UBQLN4: variants seen among roughly 807,000 people sequenced by gnomAD.
The protein encoded by UBQLN4 is ubiquilin 4.
Under a neutral mutation model 60.4 loss-of-function variants are expected in UBQLN4, and 11 were observed. The ratio of observed to expected loss-of-function variants is 0.18; its 90% CI spans 0.11 to 0.30. The LOEUF (loss-of-function observed/expected upper bound fraction) is 0.30. Ranked by LOEUF, UBQLN4 falls within the 10% of genes least tolerant of loss-of-function variation. UBQLN4 has a pLI of 1.00. For synonymous variants in UBQLN4, 258 were observed against 313.1 expected, an observed-to-expected ratio of 0.82 and a Z score of 1.86; for missense variants, 417 against 795.5, an observed-to-expected ratio of 0.52 and a Z score of 5.72.
downstream of UBQLN4, among the ~76,000 whole-genome samples, chr1:156,031,413 C>T (rs148292742): frequency 3.9e-5 from 6 of 152,152 alleles, no homozygotes; most frequent in African/African-American, 9.6e-5. Flanking sequence ...CTCCCAAGAC[C>T]GCATAAGTAG....
At chr1:156,032,187 G>A (rs1683308723), downstream of UBQLN4, among the ~76,000 whole-genome samples, 1 of 151,710 alleles carries the variant, frequency 6.6e-6, no homozygotes, top group African/African-American at 2.4e-5. Context: ...ATTTTTAGTA[G>A]AGATGGGGGT....
chr1:156,037,764 A>G (rs762683813), intron 10 of UBQLN4, among the ~76,000 whole-genome samples: 2 of 152,218 alleles, frequency 1.3e-5, no homozygotes, highest in South Asian at 2.1e-4. Flanking sequence ...CAAATGTTCT[A>G]TGGTCAAATA....
At chr1:156,032,367 C>A (rs1356940173), downstream of UBQLN4, among the ~76,000 whole-genome samples, 1 of 148,288 alleles carries the variant, frequency 6.7e-6, no homozygotes, top group Non-Finnish European at 1.5e-5. Context: ...AGCATTTGGC[C>A]GGGCGCGATG....
chr1:156,033,120 C>CA (rs1317311548), downstream of UBQLN4: 2 of 801,880 alleles, frequency 2.5e-6, no homozygotes, highest in Non-Finnish European at 3.0e-6. Flanking sequence ...ATGTTTTTGC[C>CA]AATACTTATG....
At position 156,037,018 on chromosome 1, in the gene UBQLN4, T is replaced by C; in HGVS notation, c.1766A>G (p.Asn589Ser). ...QALIATGGDI[N>S]AAIERLLGSQ... ...GCCCAGCAGTCTCTCGATAGCTGCG[T>C]TGATGTCCCCTCCTGTGGCAATCAG... Residue 589 changes from asparagine to serine, a missense_variant, in exon 11 of 11, where the codon AAC (asparagine) becomes AGC (serine). By Grantham distance (46) the Asn-to-Ser change is conservative. Transcript: ENST00000368309. 1 of 1,614,148 alleles carries C rather than the reference T, an allele frequency of 6.2e-7. No homozygotes were observed. Among genetic ancestry groups the C allele is most frequent in the South Asian group, 1.1e-5 (1 of 91,084 alleles).
intron 2 of UBQLN4, 62 bp downstream of exon 2, chr1:156,051,644 T>G: frequency 2.4e-5 from 38 of 1,604,822 alleles, no homozygotes; most frequent in Non-Finnish European, 2.9e-5. Flanking sequence ...AAGCAATGAG[T>G]GAGAAAGTAT....
intron 5 of UBQLN4, 124 bp from the exon 6 acceptor site, chr1:156,044,347 T>TA (rs1683645030): frequency 1.2e-6 from 1 of 865,746 alleles, no homozygotes; most frequent in Non-Finnish European, 1.8e-6. Context: ...TCTAAGACCT[T>TA]AGAGGTCCTC....
intron 10 of UBQLN4, among the ~76,000 whole-genome samples, chr1:156,040,441 ATTTTTTTTTT>A (rs112995184): frequency 9.2e-6 from 1 of 109,030 alleles, no homozygotes. Context: ...CAGTCCACAC[ATTTTTTTTTT>A]TTTTTTTTTT....
downstream of UBQLN4, among the ~76,000 whole-genome samples, chr1:156,033,781 T>C (rs1398608255): frequency 6.6e-6 from 1 of 150,748 alleles, no homozygotes; most frequent in East Asian, 1.9e-4. Flanking sequence ...AATGGGGAGG[T>C]TGCAGTGAGC....
chr1:156,035,236 C>T, downstream of UBQLN4: 1 of 983,136 alleles, frequency 1.0e-6, no homozygotes, highest in Non-Finnish European at 1.2e-6. Context: ...CAACTCTTGC[C>T]CTGGAAAACC....
At chr1:156,037,319 G>A (rs896265153) in intron 10 of UBQLN4, among the ~76,000 whole-genome samples, 189 bp from the exon 11 acceptor site, 1 of 152,192 alleles carries the variant, frequency 6.6e-6, no homozygotes, top group Non-Finnish European at 1.5e-5. Flanking sequence ...GTAATGGCCG[G>A]GTACGGTGGC....
chr1:156,043,110 T>G (rs1390715853), intron 6 of UBQLN4, among the ~76,000 whole-genome samples, 197 bp from the exon 7 acceptor site: 2 of 152,230 alleles, frequency 1.3e-5, no homozygotes, highest in Admixed American at 6.5e-5. Flanking sequence ...TGCTTTGGCC[T>G]GGCCCCTTTT....
chr1:156,032,513 GAA>G (rs201947466), downstream of UBQLN4, among the ~76,000 whole-genome samples: 192 of 118,978 alleles, frequency 1.6e-3, 1 homozygote, highest in African/African-American at 2.3e-3. Context: ...CTCCGTCTCA[GAA>G]AAAAAAAAAA....
intron 10 of UBQLN4, among the ~76,000 whole-genome samples, chr1:156,038,206 T>C (rs938063600): frequency 4.1e-5 from 6 of 147,658 alleles, no homozygotes; most frequent in South Asian, 2.2e-4. Context: ...CGAAACCCCA[T>C]GTCTACTAAA....
At chr1:156,038,593 G>T (rs867892595) in intron 10 of UBQLN4, among the ~76,000 whole-genome samples, 44 of 151,972 alleles carry the variant, frequency 2.9e-4, no homozygotes, top group African/African-American at 1.0e-3. Context: ...GGAGGCGGAG[G>T]TTGCAGTGAG....
intron 10 of UBQLN4, among the ~76,000 whole-genome samples, chr1:156,040,118 G>A (rs893941907): frequency 6.6e-6 from 1 of 151,850 alleles, no homozygotes; most frequent in Non-Finnish European, 1.5e-5. Context: ...TTCTGGACGG[G>A]TGTGGTGGCT....
intron 4 of UBQLN4, among the ~76,000 whole-genome samples, chr1:156,049,643 G>T (rs1683811527): frequency 1.3e-5 from 2 of 152,186 alleles, no homozygotes; most frequent in African/African-American, 4.8e-5. Flanking sequence ...CACGCACCAG[G>T]CACTGTTCTA....
chr1:156,047,664 G>A (rs1295392000), intron 5 of UBQLN4, among the ~76,000 whole-genome samples: 2 of 151,384 alleles, frequency 1.3e-5, no homozygotes, highest in Non-Finnish European at 2.9e-5. Context: ...TGGAGGCCAA[G>A]GTGGGCGGAT....
chr1:156,034,506 C>A (rs1223853014), downstream of UBQLN4, among the ~76,000 whole-genome samples: 1 of 151,406 alleles, frequency 6.6e-6, no homozygotes, highest in Non-Finnish European at 1.5e-5. Flanking sequence ...CCATCTTGGC[C>A]AGGCTGGTCT....
Sources: gnomAD v4.1 joint callset for allele counts (sites outside exome capture counted in the v4.1 genomes callset) on GRCh38, gnomAD v4.1.1 for gene constraint, MANE v1.5 for transcripts, NCBI Gene and HGNC (gene_info 2026-07-23, HGNC 2026-07-21) for gene names.